POU2F3: variants seen among roughly 807,000 people sequenced by gnomAD.
POU2F3 encodes the protein POU class 2 homeobox 3, also known as POU domain, class 2, transcription factor 3.
A neutral mutation model predicts 59.2 loss-of-function variants in POU2F3; 23 were observed. The observed-to-expected ratio is 0.39, with a 90% CI of 0.28 to 0.55. The LOEUF is 0.55. Among genes scored for constraint, POU2F3 ranks in the 20% least tolerant of loss-of-function variants. POU2F3 has a pLI of 0.66. For synonymous variants in POU2F3, 190 were observed against 214.6 expected (o/e 0.89, Z 1.00); for missense variants, 473 against 544.5 (o/e 0.87, Z 1.31).
Position 120,246,511 on chromosome 11 carries a change from G to A in POU2F3, c.91G>A (p.Glu31Lys). ...TDARSTLSQV[E>K]PGNDRNGLDF... Reference sequence around the variant, plus strand: ...TGCTCGCAGCACTCTCAGCCAGGTGGAGCCAGGTAAGGGTCTTCTCTTCTC... The same window carrying A: ...TGCTCGCAGCACTCTCAGCCAGGTGAAGCCAGGTAAGGGTCTTCTCTTCTC... The change falls in exon 2 of 13, where the codon GAG (glutamate) becomes AAG (lysine). Residue 31 changes from glutamate to lysine, a missense_variant. Physicochemically the swap from Glu to Lys is moderately conservative, Grantham distance 56. Transcript: ENST00000543440. 6.2e-7 allele frequency: 1 copy of A among 1,613,650 alleles called. No individual in the cohort carries two copies. The highest frequency in any genetic ancestry group is 2.2e-5 in the East Asian group (1 of 44,880).
At chr11:120,281,825 T>TA (rs1940582488) in intron 3 of POU2F3, among the ~76,000 whole-genome samples, 1 of 152,126 alleles carries the variant, frequency 6.6e-6, no homozygotes, top group Non-Finnish European at 1.5e-5. Flanking sequence ...CCTGGTGACT[T>TA]ATGCTCTCCA....
chr11:120,238,250 A>G (rs1938548693), upstream of POU2F3, among the ~76,000 whole-genome samples: 1 of 152,128 alleles, frequency 6.6e-6, no homozygotes, highest in African/African-American at 2.4e-5. Context: ...CAAAAAAGAA[A>G]AAGAAAAAGA....
In POU2F3 at chr11:120,300,288, C is replaced by A. The variant is rs116147015; in HGVS notation, c.361+562C>A. On this transcript the variant is annotated intron_variant, in intron 5 of 12. Coordinates refer to ENST00000543440, the MANE Select transcript of POU2F3 (RefSeq NM_014352.4). ...GCTAACATTTCTTGAGCATGATGTG[C>A]CAGGAGCTCTTCTGAGTAATTTTTC... Among the ~76,000 whole-genome samples the A allele has an allele frequency of 6.8e-3, 1,043 of 152,278 alleles. 16 individuals carry two copies. Among genetic ancestry groups the A allele is most frequent in the African/African-American group, 0.024 (978 of 41,554 alleles).
rs1004695344 is a variant in POU2F3 at position 120,264,260 on chromosome 11, T to G, written c.98-4950T>G. Reference sequence around the variant, plus strand: ...TTAGCTGAGCATGGTGGCACATGCCTGTAGTCCCAGCTACTCTGGAGGCTG... The same window carrying G: ...TTAGCTGAGCATGGTGGCACATGCCGGTAGTCCCAGCTACTCTGGAGGCTG... On this transcript the variant is annotated intron_variant, in intron 2 of 12. Transcript: ENST00000543440. Among the ~76,000 whole-genome samples, 3 of 151,552 alleles carry G rather than the reference T, an allele frequency of 2.0e-5. No homozygotes were observed. The East Asian group carries it at 5.8e-4, about 29-fold the overall frequency.
At chr11:120,243,067 A>G (rs1263921146) in intron 1 of POU2F3, among the ~76,000 whole-genome samples, 1 of 152,102 alleles carries the variant, frequency 6.6e-6, no homozygotes, top group East Asian at 1.9e-4. Flanking sequence ...ACGGGTGCCA[A>G]TTGGAGCTCA....
intron 3 of POU2F3, among the ~76,000 whole-genome samples, chr11:120,286,852 A>T (rs1007661690): frequency 8.6e-5 from 13 of 151,802 alleles, no homozygotes; most frequent in African/African-American, 3.1e-4. Context: ...ATGTCCGCGC[A>T]GAGTATTAGC....
At chr11:120,281,253 A>C (rs1940558225) in intron 3 of POU2F3, among the ~76,000 whole-genome samples, 1 of 151,722 alleles carries the variant, frequency 6.6e-6, no homozygotes, top group Admixed American at 6.6e-5. Context: ...CAACTTCCAG[A>C]GGGCTTCTCT....
chr11:120,317,121 G>T (rs533692335), intron 11 of POU2F3, 108 bp from the exon 12 acceptor site: 9 of 1,351,338 alleles, frequency 6.7e-6, no homozygotes, highest in Admixed American at 3.5e-5. Context: ...AGAGGGTGAG[G>T]TCCCTTTGGG....
At chr11:120,247,055 G>A (rs1938906872) in intron 2 of POU2F3, among the ~76,000 whole-genome samples, 2 of 152,146 alleles carry the variant, frequency 1.3e-5, no homozygotes, top group East Asian at 3.9e-4. Context: ...GGCCAAGGTG[G>A]GAGGATTCCT....
intron 11 of POU2F3, chr11:120,317,024 G>T: frequency 1.6e-6 from 1 of 612,638 alleles, no homozygotes; most frequent in East Asian, 2.8e-5. Flanking sequence ...CTGGGCTGCA[G>T]AGAGCATTTG....
At chr11:120,267,042 A>G (rs951882711) in intron 2 of POU2F3, among the ~76,000 whole-genome samples, 1 of 151,826 alleles carries the variant, frequency 6.6e-6, no homozygotes, top group Non-Finnish European at 1.5e-5. Context: ...GATTTTTTTT[A>G]AGAGAAAAGC....
intron 3 of POU2F3, among the ~76,000 whole-genome samples, chr11:120,270,936 C>T (rs1940042814): frequency 6.6e-6 from 1 of 152,132 alleles, no homozygotes; most frequent in African/African-American, 2.4e-5. Context: ...TCAAGCAATC[C>T]TCCCTCCTCA....
At chr11:120,300,785 G>A (rs1254466616) in intron 5 of POU2F3, 4 of 249,962 alleles carry the variant, frequency 1.6e-5, no homozygotes, top group Non-Finnish European at 2.4e-5. Context: ...AATAATGGAG[G>A]AAGTATAAAC....
rs556987941 is a variant in POU2F3, at chr11:120,318,162, G to A, written c.1272-191G>A. On this transcript the variant is annotated intron_variant, in intron 12 of 12. Coordinates refer to ENST00000543440, the MANE Select transcript of POU2F3 (RefSeq NM_014352.4). ...TAATTCATATACCATAAAATTCACC[G>A]TTTTAAAGTGTGCAGTTCAGTGGTT... 2.0e-4 allele frequency among the ~76,000 whole-genome samples: 30 copies of A among 152,270 alleles called. 1 individual carries two copies. The South Asian group carries it at 5.2e-3, about 26-fold the overall frequency.
intron 3 of POU2F3, among the ~76,000 whole-genome samples, chr11:120,281,065 C>T (rs998108621): frequency 6.6e-6 from 1 of 152,156 alleles, no homozygotes; most frequent in African/African-American, 2.4e-5. Flanking sequence ...GTCGTCTTCT[C>T]CCAGAATCAT....
chr11:120,265,222 C>T (rs985205592), intron 2 of POU2F3: 1 of 152,242 alleles, frequency 6.6e-6, no homozygotes, highest in Non-Finnish European at 1.5e-5. Flanking sequence ...ACAGCATCAC[C>T]AGATATGAAC....
intron 6 of POU2F3, chr11:120,304,301 A>G (rs1445244371): frequency 1.4e-5 from 2 of 142,378 alleles, no homozygotes; most frequent in African/African-American, 5.4e-5. Context: ...ACTACACTCT[A>G]GCCTGGGTGA....
At chr11:120,250,607 T>C (rs1939054778) in intron 2 of POU2F3, among the ~76,000 whole-genome samples, 1 of 152,336 alleles carries the variant, frequency 6.6e-6, no homozygotes, top group Middle Eastern at 3.4e-3. Context: ...TGAGTCTTTC[T>C]AGTGACTTTC....
chr11:120,261,999 G>A (rs918797541), intron 2 of POU2F3, among the ~76,000 whole-genome samples: 3 of 152,206 alleles, frequency 2.0e-5, no homozygotes, highest in Admixed American at 2.0e-4. Flanking sequence ...TATGCTGAAA[G>A]GAGGCCTGCT....
Sources: allele counts gnomAD v4.1 joint callset (sites outside exome capture counted in the v4.1 genomes callset), GRCh38; gene constraint gnomAD v4.1.1; transcripts MANE v1.5; gene names NCBI Gene and HGNC (gene_info 2026-07-23, HGNC 2026-07-21).